The following FRYL variants were observed in gnomAD, a reference collection of about 807,000 sequenced individuals.
FRYL encodes protein furry homolog-like.
A neutral mutation model predicts 351.2 loss-of-function variants in FRYL; 150 were observed. The ratio of observed to expected loss-of-function variants is 0.43; its 90% confidence interval spans 0.37 to 0.49. The LOEUF (loss-of-function observed/expected upper bound fraction) is 0.49, where lower values mean the gene tolerates loss of function less well. Among genes scored for constraint, FRYL ranks in the 20% least tolerant of loss-of-function variants. FRYL has a pLI of 0.00. For missense variants in FRYL, 3,036 were observed against 3,619.3 expected (o/e 0.84, Z 4.13); for synonymous variants, 1,153 against 1,257.1 (o/e 0.92, Z 1.75).
chr4:48,617,126 AT>A (rs2149309067), intron 7 of FRYL, among the ~76,000 whole-genome samples: 1 of 152,234 alleles, frequency 6.6e-6, no homozygotes, highest in Non-Finnish European at 1.5e-5. Flanking sequence ...TGATGAGTGC[AT>A]TTAAATTAGC....
In FRYL at chr4:48,551,492, A is replaced by C; in HGVS notation, c.4520+2T>G. The C allele has an allele frequency of 1.3e-6, 2 of 1,573,524 alleles. No individual in the cohort carries two copies. The highest frequency in any genetic ancestry group is 1.7e-6 in the Non-Finnish European group (2 of 1,144,890). On this transcript the variant is annotated splice_donor_variant, in intron 37 of 63. Coordinates refer to ENST00000358350, the MANE Select transcript of FRYL (RefSeq NM_015030.2). LOFTEE classifies it high-confidence loss of function. ...GCTAATACAGAACAGAGAAGTACTT[A>C]CCTCTCTTCAATATTCTCTTTAATG...
At chr4:48,557,166 T>C (rs1461634013) in intron 34 of FRYL, 48 bp from the exon 35 acceptor site, 9 of 1,542,550 alleles carry the variant, frequency 5.8e-6, no homozygotes, top group Non-Finnish European at 7.0e-6. Flanking sequence ...CTGCCTATTA[T>C]AAAAACCAAA....
intron 3 of FRYL, among the ~76,000 whole-genome samples, chr4:48,662,183 T>G (rs1262168230): frequency 6.6e-6 from 1 of 152,172 alleles, no homozygotes; most frequent in Non-Finnish European, 1.5e-5. Flanking sequence ...CTGACACGTG[T>G]AATCCCCAAC....
chr4:48,583,280 T>C (rs1741313274), intron 19 of FRYL, among the ~76,000 whole-genome samples: 2 of 152,030 alleles, frequency 1.3e-5, no homozygotes, highest in Admixed American at 1.3e-4. Context: ...GCCTCCCAAG[T>C]AGCTGGGAAT....
At position 48,681,088 on chromosome 4, in the gene FRYL, G is replaced by A. The variant is rs530976639; in HGVS notation, c.-81+3585C>T. ...ACTAGTATCCAAAACCACATCTCCC[G>A]AAAGAATGGGAGGAACAACTCTCTT... is the stretch of plus-strand genomic sequence containing the variant. On this transcript the variant is annotated intron_variant, in intron 3 of 63. Coordinates refer to ENST00000358350, the MANE Select transcript of FRYL (RefSeq NM_015030.2). The A allele has an allele frequency of 6.8e-4, 868 of 1,267,602 alleles. 1 individual carries two copies. Among genetic ancestry groups the A allele is most frequent in the Non-Finnish European group, 8.5e-4 (827 of 978,040 alleles). The allele number at this position is 1,267,602 out of a possible 1,614,324, so 78.5% of individuals were successfully genotyped here. A position where few individuals can be genotyped will look rare whatever the true frequency, so the allele number is the denominator to read the frequency against.
At chr4:48,548,341 T>C (rs1464553292) in intron 40 of FRYL, among the ~76,000 whole-genome samples, 1 of 152,180 alleles carries the variant, frequency 6.6e-6, no homozygotes, top group Non-Finnish European at 1.5e-5. Context: ...TTAGAACCTA[T>C]CTCAACTTTT....
At position 48,561,528 on chromosome 4, in the gene FRYL, A is replaced by G. The variant is rs751398617; in HGVS notation, c.3805T>C (p.Tyr1269His). 2.5e-6 allele frequency: 4 copies of G among 1,611,798 alleles called. No individual in the cohort carries two copies. Among genetic ancestry groups the G allele is most frequent in the South Asian group, 1.1e-5 (1 of 90,680 alleles). ...PLPHLYSVSYYQLSEELARAY... is the reference protein window; with the variant it reads ...PLPHLYSVSYHQLSEELARAY... ...CTTGCTAGTTCCTCGGACAACTGAT[A>G]ATATGAAACAGAATAGAGATGTGGT... The change falls in exon 33 of 64, where the codon TAT becomes CAT. Residue 1269 changes from tyrosine to histidine, a missense_variant. Tyr to His is a moderately conservative substitution (Grantham distance 83). This residue lies in a region of FRYL where 1,987 missense variants were observed against 2,311.7 expected (regional missense o/e 0.86). Coordinates refer to ENST00000358350, the MANE Select transcript of FRYL (RefSeq NM_015030.2).
chr4:48,656,495 T>A (rs1447816836), intron 3 of FRYL, among the ~76,000 whole-genome samples: 2 of 129,604 alleles, frequency 1.5e-5, no homozygotes, highest in Non-Finnish European at 3.1e-5. Context: ...TATACATATA[T>A]GCATTATATA....
At chr4:48,688,817 C>T (rs1765415560) in intron 2 of FRYL, among the ~76,000 whole-genome samples, 1 of 151,974 alleles carries the variant, frequency 6.6e-6, no homozygotes, top group Non-Finnish European at 1.5e-5. Context: ...CGTGTGCCAC[C>T]ATGCCTGGCT....
At chr4:48,765,829 A>C (rs1774887774) in intron 1 of FRYL, among the ~76,000 whole-genome samples, 3 of 152,244 alleles carry the variant, frequency 2.0e-5, no homozygotes, top group Non-Finnish European at 4.4e-5. Context: ...AAAATGGGCA[A>C]GGTACAGAAT....
At chr4:48,779,073 C>G (rs922658655) in intron 1 of FRYL, among the ~76,000 whole-genome samples, 1 of 151,066 alleles carries the variant, frequency 6.6e-6, no homozygotes, top group Non-Finnish European at 1.5e-5. Context: ...TGCAAATCCA[C>G]AAAAATGCGA....
chr4:48,705,805 T>C (rs1560885529), intron 2 of FRYL, among the ~76,000 whole-genome samples: 1 of 152,144 alleles, frequency 6.6e-6, no homozygotes, highest in Non-Finnish European at 1.5e-5. Context: ...TGACCATACT[T>C]CCTGGTATTC....
chr4:48,561,562 C>G lies in FRYL; in HGVS notation c.3771G>C (p.Leu1257=). The change falls in exon 33 of 64, where the codon CTG becomes CTC. Residue 1257 remains leucine (L), a synonymous_variant. Transcript: ENST00000358350. The part of the protein sequence containing the change: ...VQRTDGVLSQ[L]SPLPHLYSVS... Reference sequence around the variant, plus strand: ...CAGAATAGAGATGTGGTAGAGGAGACAGCTGGCTGAGTACTCCATCTGTTC... The same window carrying G: ...CAGAATAGAGATGTGGTAGAGGAGAGAGCTGGCTGAGTACTCCATCTGTTC... 2 of 1,612,884 alleles carry G rather than the reference C, an allele frequency of 1.2e-6. No homozygotes were observed. The highest frequency in any genetic ancestry group is 1.7e-4 in the Middle Eastern group (1 of 6,052).
intron 1 of FRYL, among the ~76,000 whole-genome samples, chr4:48,746,053 C>T (rs1379504706): frequency 6.6e-6 from 1 of 152,138 alleles, no homozygotes; most frequent in South Asian, 2.1e-4. Context: ...AAATTTGGAA[C>T]TACTGGTAAG....
Position 48,581,473 on chromosome 4 carries a change from C to T in FRYL, c.2119G>A (p.Val707Ile), listed in dbSNP as rs145522900. The T allele has an allele frequency of 0.013, 20,689 of 1,613,790 alleles. 172 individuals are homozygous for T. The highest frequency in any genetic ancestry group is 0.015 in the Non-Finnish European group (18,063 of 1,179,834). The change falls in exon 21 of 64, where the codon GTC becomes ATC. Residue 707 changes from valine to isoleucine, a missense_variant. Transcript: ENST00000358350. ...SSRPATRRLA[V>I]SVLREIRALF... is the part of the protein sequence containing the mutation. Reference sequence around the variant, plus strand: ...GCCCGTATTTCTCTAAGGACACTGACGGCTAGTCTCCTAGTGGCAGGTCGA... The same window carrying T: ...GCCCGTATTTCTCTAAGGACACTGATGGCTAGTCTCCTAGTGGCAGGTCGA...
intron 18 of FRYL, 67 bp downstream of exon 18, chr4:48,589,678 G>A: frequency 2.0e-6 from 3 of 1,485,858 alleles, no homozygotes; most frequent in Non-Finnish European, 2.8e-6. Flanking sequence ...AGACAGGTAA[G>A]CAAGAACCAT....
At chr4:48,521,805 GA>G (rs1400723066) in intron 54 of FRYL, among the ~76,000 whole-genome samples, 3 of 152,178 alleles carry the variant, frequency 2.0e-5, no homozygotes, top group Non-Finnish European at 4.4e-5. Flanking sequence ...TTAAATGGGA[GA>G]GGGGCAGTTA....
At chr4:48,641,448 TA>T (rs547286304) in intron 3 of FRYL, among the ~76,000 whole-genome samples, 2 of 152,228 alleles carry the variant, frequency 1.3e-5, no homozygotes, top group South Asian at 4.1e-4. Context: ...ATGGCTCTCT[TA>T]AAAACAAAAG....
At chr4:48,546,005 T>TG in intron 42 of FRYL, 62 bp downstream of exon 42, 2 of 1,445,622 alleles carry the variant, frequency 1.4e-6, no homozygotes, top group Non-Finnish European at 1.9e-6. Flanking sequence ...TCATAATACC[T>TG]GATCAATGAA....
Sources: gnomAD v4.1 joint callset for allele counts (sites outside exome capture counted in the v4.1 genomes callset) on GRCh38, gnomAD v4.1.1 for gene constraint, gnomAD v4.1.1 regional missense constraint, MANE v1.5 for transcripts, NCBI Gene and HGNC (gene_info 2026-07-23, HGNC 2026-07-21) for gene names.